MAF1: variants seen among roughly 807,000 people sequenced by gnomAD.
MAF1 encodes the protein repressor of RNA polymerase III transcription MAF1 homolog.
A neutral mutation model predicts 31.9 loss-of-function variants in MAF1; 7 were observed. The observed-to-expected ratio is 0.22, with a 90% confidence interval of 0.12 to 0.41. MAF1 has a LOEUF of 0.41. MAF1 is among the 10% of genes least tolerant of loss of function. MAF1 has a pLI of 1.00. For missense variants in MAF1, 221 were observed against 323.1 expected (o/e 0.68, Z 2.42); for synonymous variants, 157 against 120.0 (o/e 1.31, Z -2.02).
At position 144,105,988 on chromosome 8, in the gene MAF1, G is replaced by A; in HGVS notation, c.203G>A (p.Ser68Asn). The A allele has an allele frequency of 1.9e-6, 3 of 1,613,404 alleles. No individual in the cohort carries two copies. The highest frequency in any genetic ancestry group is 2.5e-6 in the Non-Finnish European group (3 of 1,180,010). Residue 68 changes from serine (S) to asparagine (N), a missense_variant, in exon 3 of 8, where the codon AGC becomes AAC. This residue lies in a region of MAF1 where 146 missense variants were observed against 263.1 expected (regional missense o/e 0.56). Coordinates refer to ENST00000322428, the MANE Select transcript of MAF1 (RefSeq NM_032272.5). ...TCTCCACCCCAGACTTCAGGACTGA[G>A]CCCCAGCAGGTGAGCCATGGTGGGG... is the stretch of plus-strand genomic sequence containing the variant. Reference protein sequence around the residue: ...ALSPPQTSGLSPSRLSKSQGG... With the variant: ...ALSPPQTSGLNPSRLSKSQGG...
intron 7 of MAF1, 25 bp from the exon 8 acceptor site, chr8:144,107,063 C>A: frequency 6.4e-7 from 1 of 1,572,708 alleles, no homozygotes; most frequent in African/African-American, 1.4e-5. Flanking sequence ...TCCTGAAGGC[C>A]CACTGTGTGC....
In MAF1 at chr8:144,106,498, C is replaced by T. The variant is rs540427249; in HGVS notation, c.500+34C>T. The T allele has an allele frequency of 3.1e-6, 5 of 1,613,926 alleles. No homozygotes were observed. The African/African-American group carries it at 5.3e-5, about 17-fold the overall frequency. On this transcript the variant is annotated intron_variant, in intron 5 of 7. Coordinates refer to ENST00000322428, the MANE Select transcript of MAF1 (RefSeq NM_032272.5). ...GCATCCCTGCAGATGGCCTCCAGGCCTCCAGGTTTGTGGGGCACTTGGCGC... is the reference window on the plus strand; with the variant it reads ...GCATCCCTGCAGATGGCCTCCAGGCTTCCAGGTTTGTGGGGCACTTGGCGC...
Position 144,106,339 on chromosome 8 carries a change from C to G in MAF1, c.379-4C>G, listed in dbSNP as rs762840524. On this transcript the variant is annotated splice_region_variant and splice_polypyrimidine_tract_variant and intron_variant, in intron 4 of 7. Coordinates refer to ENST00000322428, the MANE Select transcript of MAF1 (RefSeq NM_032272.5). The stretch of plus-strand genomic sequence containing the variant: ...CCTGTCACCCTGACTGTGACCTGCC[C>G]TAGGTGGTGAATGCAGTCAACTGCA... 5.6e-6 allele frequency: 9 copies of G among 1,613,590 alleles called. No homozygotes were observed. Among genetic ancestry groups the G allele is most frequent in the African/African-American group, 2.7e-5 (2 of 74,936 alleles).
chr8:144,105,752 C>T lies in MAF1; in HGVS notation c.69C>T (p.Ala23=). The T allele has an allele frequency of 1.2e-6, 2 of 1,613,144 alleles. No homozygotes were observed. The highest frequency in any genetic ancestry group is 1.7e-6 in the Non-Finnish European group (2 of 1,179,988). ...NSQLTVETGD[A]HIIGRIESYS... ...AGCTGACTGTGGAGACTGGAGATGC[C>T]CACATCATTGGCAGGTGAGGCAGGC... Residue 23 remains alanine (A), a synonymous_variant, in exon 2 of 8, where the codon GCC becomes GCT. Transcript: ENST00000322428.
rs1836433606 is a variant in MAF1, at chr8:144,107,247, C to T, written c.*138C>T. 9.0e-7 allele frequency: 1 copy of T among 1,106,008 alleles called. No individual in the cohort carries two copies. Among genetic ancestry groups the T allele is most frequent in the Non-Finnish European group, 1.3e-6 (1 of 749,954 alleles). The allele number at this position is 1,106,008 out of a possible 1,614,324, so 68.5% of individuals were successfully genotyped here. On this transcript the variant is annotated 3_prime_UTR_variant, in exon 8 of 8. Transcript: ENST00000322428. ...AGTCCTGGCACTGCCCAAGGCCATA[C>T]CTGCCTAGCCCTTTGGCTCCATCCT...
chr8:144,105,831 G>C (rs761788052), intron 2 of MAF1, 38 bp from the exon 3 acceptor site: 5 of 1,612,894 alleles, frequency 3.1e-6, no homozygotes, highest in Non-Finnish European at 4.2e-6. Flanking sequence ...GTGGAACCTG[G>C]GGGAAGCATG....
At position 144,107,427 on chromosome 8, in the gene MAF1, C is replaced by T. The variant is rs146555852; in HGVS notation, c.*318C>T. On this transcript the variant is annotated 3_prime_UTR_variant, in exon 8 of 8. Coordinates refer to ENST00000322428, the MANE Select transcript of MAF1 (RefSeq NM_032272.5). Reference sequence around the variant, plus strand: ...AGTTTATTTTTGTATTTCTACTGGGCCTGCACACTCCAGCCCAAAGGGTCT... The same window carrying T: ...AGTTTATTTTTGTATTTCTACTGGGTCTGCACACTCCAGCCCAAAGGGTCT... 272 of 581,938 alleles carry T rather than the reference C, an allele frequency of 4.7e-4. 1 individual carries two copies. In the East Asian group the frequency reaches 7.4e-3, roughly 16 times the overall value. The allele number at this position is 581,938 out of a possible 1,614,324, so 36.0% of individuals were successfully genotyped here. A position where few individuals can be genotyped will look rare whatever the true frequency, so the allele number is the denominator to read the frequency against.
In MAF1 at chr8:144,106,338, C is replaced by T. The variant is rs368881843; in HGVS notation, c.379-5C>T. Reference sequence around the variant, plus strand: ...TCCTGTCACCCTGACTGTGACCTGCCCTAGGTGGTGAATGCAGTCAACTGC... The same window carrying T: ...TCCTGTCACCCTGACTGTGACCTGCTCTAGGTGGTGAATGCAGTCAACTGC... On this transcript the variant is annotated splice_region_variant and splice_polypyrimidine_tract_variant and intron_variant, in intron 4 of 7. Coordinates refer to ENST00000322428, the MANE Select transcript of MAF1 (RefSeq NM_032272.5). The T allele has an allele frequency of 1.4e-4, 233 of 1,613,550 alleles. No individual in the cohort carries two copies. The highest frequency in any genetic ancestry group is 1.7e-4 in the Non-Finnish European group (197 of 1,179,886).
In MAF1 at chr8:144,106,013, G is replaced by T. The variant is rs754598020; in HGVS notation, c.212+16G>T. The T allele has an allele frequency of 3.7e-6, 6 of 1,613,338 alleles. No homozygotes were observed. The highest frequency in any genetic ancestry group is 4.2e-6 in the Non-Finnish European group (5 of 1,180,006). On this transcript the variant is annotated intron_variant, in intron 3 of 7. Transcript: ENST00000322428. Reference sequence around the variant, plus strand: ...GCCCCAGCAGGTGAGCCATGGTGGGGCCTACCTGGGGCTGGGGGTTGAGGG... The same window carrying T: ...GCCCCAGCAGGTGAGCCATGGTGGGTCCTACCTGGGGCTGGGGGTTGAGGG...
Position 144,105,505 on chromosome 8 carries a change from G to A in MAF1, c.-44-135G>A, listed in dbSNP as rs1007192172. On this transcript the variant is annotated intron_variant, in intron 1 of 7. Coordinates refer to ENST00000322428, the MANE Select transcript of MAF1 (RefSeq NM_032272.5). ...ACCTCTCCTGGCCGGGCAGAGAGGG[G>A]AGCTCCTGATGTGCAGCCTGGACAG... 3 of 608,976 alleles carry A rather than the reference G, an allele frequency of 4.9e-6. No individual in the cohort carries two copies. The African/African-American group carries it at 5.6e-5, about 11-fold the overall frequency. The allele number at this position is 608,976 out of a possible 1,614,324, so 37.7% of individuals were successfully genotyped here.
At chr8:144,106,744 C>T in intron 6 of MAF1, 70 bp downstream of exon 6, 3 of 1,580,700 alleles carry the variant, frequency 1.9e-6, no homozygotes, top group South Asian at 1.2e-5. Context: ...GTGCCATCTC[C>T]ACCCAGCTTT....
rs746723710 is a variant in MAF1 at position 144,105,655 on chromosome 8, C to T, written c.-29C>T. 2 of 1,602,376 alleles carry T rather than the reference C, an allele frequency of 1.2e-6. No homozygotes were observed. The highest frequency in any genetic ancestry group is 3.3e-5 in the Admixed American group (2 of 60,012). On this transcript the variant is annotated 5_prime_UTR_variant, in exon 2 of 8. Coordinates refer to ENST00000322428, the MANE Select transcript of MAF1 (RefSeq NM_032272.5). ...CACTCCCCAGGCAATACTAGCCCCT[C>T]TGGAGCACGGAGCTCCTTCCCCAAA...
intron 1 of MAF1, chr8:144,105,430 C>G: frequency 9.2e-6 from 5 of 546,368 alleles, no homozygotes; most frequent in Non-Finnish European, 1.6e-5. Context: ...GGGGGTATGG[C>G]TGACCTGGAG....
chr8:144,106,707 T>C (rs1305533290), intron 6 of MAF1, 33 bp downstream of exon 6: 1 of 1,599,872 alleles, frequency 6.3e-7, no homozygotes, highest in South Asian at 1.1e-5. Flanking sequence ...CCCACCTCCC[T>C]GTTGGGCCGA....
intron 2 of MAF1, 36 bp downstream of exon 2, chr8:144,105,802 C>G: frequency 1.2e-6 from 2 of 1,612,592 alleles, no homozygotes; most frequent in South Asian, 2.2e-5. Context: ...TCTCGGAGGT[C>G]ACACTGCCGC....
intron 1 of MAF1, 181 bp from the exon 2 acceptor site, chr8:144,105,459 A>G (rs1200460815): frequency 1.6e-5 from 9 of 578,604 alleles, no homozygotes; most frequent in Non-Finnish European, 2.8e-5. Context: ...TACCACCCTC[A>G]GGTAAAACAG....
chr8:144,107,269 TC>T lies in MAF1; in HGVS notation c.*162del. ...ATACCTGCCTAGCCCTTTGGCTCCA[TC>T]CTGTGGATGCCCACTCACCCCTCAG... is the stretch of plus-strand genomic sequence containing the variant. On this transcript the variant is annotated 3_prime_UTR_variant, in exon 8 of 8. Coordinates refer to ENST00000322428, the MANE Select transcript of MAF1 (RefSeq NM_032272.5). 1 of 910,610 alleles carries T rather than the reference TC, an allele frequency of 1.1e-6. No individual in the cohort carries two copies. The highest frequency in any genetic ancestry group is 1.7e-6 in the Non-Finnish European group (1 of 582,692). 56.4% of individuals were successfully genotyped at this position (910,610 alleles called of 1,614,324 possible).
In MAF1 at chr8:144,104,511, G is replaced by A. The variant is rs552537225; in HGVS notation, c.-392G>A. 3 of 152,178 alleles carry A rather than the reference G, an allele frequency of 2.0e-5. No homozygotes were observed. Among genetic ancestry groups the A allele is most frequent in the African/African-American group, 7.2e-5 (3 of 41,426 alleles). The allele number at this position is 152,178 out of a possible 1,614,324, so 9.4% of individuals were successfully genotyped here. A position where few individuals can be genotyped will look rare whatever the true frequency, so the allele number is the denominator to read the frequency against. On this transcript the variant is annotated 5_prime_UTR_variant, in exon 1 of 8. Coordinates refer to ENST00000322428, the MANE Select transcript of MAF1 (RefSeq NM_032272.5). ...GCGGACGCTTGTTGTTGTCCGGCCG[G>A]GGGAGGCGGAGGTCGCTCGCTCGCT...
In MAF1 at chr8:144,107,271, C is replaced by G; in HGVS notation, c.*162C>G. 1.1e-6 allele frequency: 1 copy of G among 877,040 alleles called. No individual in the cohort carries two copies. 54.3% of individuals were successfully genotyped at this position (877,040 alleles called of 1,614,324 possible). A position where few individuals can be genotyped will look rare whatever the true frequency, so the allele number is the denominator to read the frequency against. On this transcript the variant is annotated 3_prime_UTR_variant, in exon 8 of 8. Transcript: ENST00000322428. Reference sequence around the variant, plus strand: ...ACCTGCCTAGCCCTTTGGCTCCATCCTGTGGATGCCCACTCACCCCTCAGA... The same window carrying G: ...ACCTGCCTAGCCCTTTGGCTCCATCGTGTGGATGCCCACTCACCCCTCAGA...
Sources: allele counts gnomAD v4.1 joint callset, GRCh38; gene constraint gnomAD v4.1.1; regional missense constraint gnomAD v4.1.1; transcripts MANE v1.5; gene names NCBI Gene and HGNC (gene_info 2026-07-23, HGNC 2026-07-21).